COL6A1: variants seen among roughly 807,000 people sequenced by gnomAD.
The protein encoded by COL6A1 is collagen alpha-1(VI) chain.
Under a neutral mutation model 145.6 loss-of-function variants are expected in COL6A1, and 80 were observed. The observed-to-expected ratio is 0.55, with a 90% confidence interval of 0.46 to 0.66. The LOEUF (loss-of-function observed/expected upper bound fraction) is 0.66, where lower values mean the gene tolerates loss of function less well. COL6A1 is among the 30% of genes least tolerant of loss of function. The pLI, the probability that COL6A1 is intolerant of heterozygous loss-of-function variation, is 0.00. For missense variants in COL6A1, 1,364 were observed against 1,473.8 expected, an observed-to-expected ratio of 0.93 and a Z score of 1.22; for synonymous variants, 638 against 622.8, an observed-to-expected ratio of 1.02 and a Z score of -0.36.
At chr21:45,985,422 C>T (rs956417149) in intron 3 of COL6A1, among the ~76,000 whole-genome samples, 4 of 151,916 alleles carry the variant, frequency 2.6e-5, no homozygotes, top group Admixed American at 6.6e-5. Flanking sequence ...ACAGAGAGAC[C>T]GGAAACAGAG....
rs1442249028 is a variant in COL6A1, at chr21:45,997,471, C to T, written c.1449C>T (p.Pro483=). The change falls in exon 21 of 35, where the codon CCC becomes CCT. Residue 483 remains proline, a synonymous_variant. Transcript: ENST00000361866. The part of the protein sequence containing the change: ...GPKGYRGDEG[P]PGSEGARGAP... Reference sequence around the variant, plus strand: ...AAGGCTACCGAGGCGATGAGGGTCCCCCAGGGTCCGAGGTGAGTCCCACTC... The same window carrying T: ...AAGGCTACCGAGGCGATGAGGGTCCTCCAGGGTCCGAGGTGAGTCCCACTC... The T allele has an allele frequency of 6.2e-7, 1 of 1,612,126 alleles. No individual in the cohort carries two copies. Among genetic ancestry groups the T allele is most frequent in the Non-Finnish European group, 8.5e-7 (1 of 1,179,750 alleles).
chr21:46,001,439 C>T (rs558989199), intron 30 of COL6A1, 53 bp downstream of exon 30: 20 of 1,597,798 alleles, frequency 1.3e-5, no homozygotes, highest in Non-Finnish European at 1.6e-5. Context: ...CCCGACCCTG[C>T]CGGCCGCCCC....
In COL6A1 at chr21:45,994,361, G is replaced by T. The variant is rs2077793436; in HGVS notation, c.1398+132G>T. ...CTCTGTGTTTCCGTAGATCTCGGGGGTGTCCCTGCGTGGGAGCCGGCTGCA... is the reference window on the plus strand; with the variant it reads ...CTCTGTGTTTCCGTAGATCTCGGGGTTGTCCCTGCGTGGGAGCCGGCTGCA... On this transcript the variant is annotated intron_variant, in intron 20 of 34. Coordinates refer to ENST00000361866, the MANE Select transcript of COL6A1 (RefSeq NM_001848.3). This position sits in a 1 kb window ranked among gnomAD's most constrained non-coding sequence, Gnocchi z 6.8. The T allele has an allele frequency of 5.4e-6, 5 of 922,882 alleles. No homozygotes were observed. The highest frequency in any genetic ancestry group is 2.0e-5 in the Admixed American group (1 of 48,960). The allele number at this position is 922,882 out of a possible 1,614,324, so 57.2% of individuals were successfully genotyped here.
chr21:45,993,910 T>G (rs1486211468), intron 19 of COL6A1, among the ~76,000 whole-genome samples: 2 of 152,162 alleles, frequency 1.3e-5, no homozygotes, highest in African/African-American at 4.8e-5. Context: ...GAAGCAGGGA[T>G]GCACGCAGGG....
intron 22 of COL6A1, 104 bp downstream of exon 22, chr21:45,997,866 C>A: frequency 7.7e-7 from 1 of 1,292,422 alleles, no homozygotes. Context: ...CCTGACCGGG[C>A]CGGGAGTGCC....
At chr21:45,987,266 T>G in intron 6 of COL6A1, 91 bp downstream of exon 6, 1 of 1,564,438 alleles carries the variant, frequency 6.4e-7, no homozygotes, top group Non-Finnish European at 8.6e-7. Context: ...TCCCTATGCA[T>G]ATCCGCCCAT....
intron 1 of COL6A1, among the ~76,000 whole-genome samples, chr21:45,982,257 C>A (rs2077711872): frequency 6.6e-6 from 1 of 152,034 alleles, no homozygotes; most frequent in South Asian, 2.1e-4. Context: ...TGACCCCTCA[C>A]CTGGCAGTGA....
chr21:45,999,650 C>G lies in COL6A1; in HGVS notation c.1741-7C>G, dbSNP rs771621923. On this transcript the variant is annotated splice_polypyrimidine_tract_variant and splice_region_variant and intron_variant, in intron 26 of 34. Transcript: ENST00000361866. ...CTCAGAGCTCCTCTACTCCGTTTCT[C>G]GGACAGGGACCCCCAGGACACCAAG... The G allele has an allele frequency of 3.1e-6, 5 of 1,613,358 alleles. No homozygotes were observed. In the South Asian group the frequency reaches 5.5e-5, roughly 18 times the overall value.
chr21:45,987,166 G>A lies in COL6A1; in HGVS notation c.729G>A (p.Val243=). ...DTIVDMIKNN[V]EQVCCSFECQ... is the part of the protein sequence containing the mutation. Reference sequence around the variant, plus strand: ...ATTTCTCTTTCCAGAAAAATAACGTGGAGCAAGTGGTAAGAGCCCTCCCCA... The same window carrying A: ...ATTTCTCTTTCCAGAAAAATAACGTAGAGCAAGTGGTAAGAGCCCTCCCCA... The change falls in exon 6 of 35, where the codon GTG becomes GTA. Residue 243 remains valine, a synonymous_variant. Transcript: ENST00000361866. 1.9e-6 allele frequency: 3 copies of A among 1,597,810 alleles called. No homozygotes were observed. Among genetic ancestry groups the A allele is most frequent in the Non-Finnish European group, 2.5e-6 (3 of 1,176,818 alleles).
At chr21:46,001,457 G>A (rs574889817) in intron 30 of COL6A1, 71 bp downstream of exon 30, 54 of 1,585,880 alleles carry the variant, frequency 3.4e-5, no homozygotes, top group African/African-American at 2.7e-4. Flanking sequence ...CCCTGCCCGC[G>A]CCAGACCTCA....
chr21:46,004,083 T>G lies in COL6A1; in HGVS notation c.*70T>G. On this transcript the variant is annotated 3_prime_UTR_variant, in exon 35 of 35. Coordinates refer to ENST00000361866, the MANE Select transcript of COL6A1 (RefSeq NM_001848.3). ...CCACTCATCACTAAACAGAGTAAAA[T>G]GTGATGCGAATTTTCCCGACCAACC... The G allele has an allele frequency of 6.4e-7, 1 of 1,571,212 alleles. No homozygotes were observed. The highest frequency in any genetic ancestry group is 1.1e-5 in the South Asian group (1 of 87,710).
At chr21:45,996,068 C>T (rs896414618) in intron 20 of COL6A1, among the ~76,000 whole-genome samples, 3 of 152,218 alleles carry the variant, frequency 2.0e-5, no homozygotes, top group Admixed American at 2.0e-4. Flanking sequence ...CCAGGAGGTG[C>T]CCCCAGTGAG....
intron 2 of COL6A1, 44 bp downstream of exon 2, chr21:45,982,807 T>C: frequency 6.2e-7 from 1 of 1,605,476 alleles, no homozygotes; most frequent in South Asian, 1.1e-5. Flanking sequence ...CTTCTGGGCC[T>C]CTTGGAGGGA....
chr21:45,992,569 G>T (rs1020320188), intron 18 of COL6A1, among the ~76,000 whole-genome samples, 171 bp downstream of exon 18: 6 of 152,236 alleles, frequency 3.9e-5, no homozygotes, highest in Non-Finnish European at 7.3e-5. Context: ...TCTCAGAGCG[G>T]GTGGGACCTG....
At chr21:45,990,021 TCTGCGG>T (rs1392558162) in intron 11 of COL6A1, among the ~76,000 whole-genome samples, 11 of 7,842 alleles carry the variant, frequency 1.4e-3, no homozygotes, top group African/African-American at 4.8e-3. Flanking sequence ...GCGGTTACCC[TCTGCGG>T]AGCCGGGGGT....
chr21:45,996,502 G>A (rs1222833952), intron 20 of COL6A1, among the ~76,000 whole-genome samples: 1 of 152,250 alleles, frequency 6.6e-6, no homozygotes, highest in Non-Finnish European at 1.5e-5. Flanking sequence ...TGGTAGTGGG[G>A]AAGTTGTAAA....
At position 46,003,797 on chromosome 21, in the gene COL6A1, G is replaced by A. The variant is rs1168458128; in HGVS notation, c.2871G>A (p.Lys957=). 1 of 1,609,522 alleles carries A rather than the reference G, an allele frequency of 6.2e-7. No homozygotes were observed. The highest frequency in any genetic ancestry group is 1.1e-5 in the South Asian group (1 of 91,042). ...SQGATPAAIE[K]AVQEAQRAGI... ...GCGCCACGCCCGCTGCCATCGAGAAGGCCGTGCAGGAAGCCCAGCGGGCAG... is the reference window on the plus strand; with the variant it reads ...GCGCCACGCCCGCTGCCATCGAGAAAGCCGTGCAGGAAGCCCAGCGGGCAG... Residue 957 remains lysine (K), a synonymous_variant, in exon 35 of 35, where the codon AAG becomes AAA. Coordinates refer to ENST00000361866, the MANE Select transcript of COL6A1 (RefSeq NM_001848.3).
intron 27 of COL6A1, among the ~76,000 whole-genome samples, chr21:45,999,937 G>GAGGGCATGTGAGGATCAT (rs1569518892): frequency 3.5e-4 from 8 of 22,874 alleles, no homozygotes; most frequent in East Asian, 1.6e-3. Flanking sequence ...GAGGATCATG[G>GAGGGCATGTGAGGATCAT]GGGGGACGTG....
rs923008896 is a variant in COL6A1 at position 46,001,239 on chromosome 21, GC to G, written c.1823-9del. On this transcript the variant is annotated splice_polypyrimidine_tract_variant and intron_variant, in intron 29 of 34. Transcript: ENST00000361866. ...GGGAGGGGCGTGCTCTGCTGACACC[GC>G]CCCCGCCTGCAGAATGCAAGTGCGG... 1.2e-6 allele frequency: 2 copies of G among 1,600,670 alleles called. No homozygotes were observed. The highest frequency in any genetic ancestry group is 8.5e-7 in the Non-Finnish European group (1 of 1,178,042).
Sources: gnomAD v4.1 joint callset for allele counts (sites outside exome capture counted in the v4.1 genomes callset) on GRCh38, gnomAD v4.1.1 for gene constraint, Gnocchi (gnomAD v3.1) non-coding constraint, MANE v1.5 for transcripts, NCBI Gene and HGNC (gene_info 2026-07-23, HGNC 2026-07-21) for gene names.